SH3RF3: variants seen among roughly 807,000 people sequenced by gnomAD.
SH3RF3 encodes SH3 domain containing ring finger 3.
A neutral mutation model predicts 66.3 loss-of-function variants in SH3RF3; 29 were observed. That is an observed-to-expected ratio of 0.44 (90% CI 0.33 to 0.60). SH3RF3 has a LOEUF of 0.60. SH3RF3 is among the 20% of genes least tolerant of loss of function. SH3RF3 has a pLI of 0.04. For missense variants in SH3RF3, 1,194 were observed against 1,190.9 expected (o/e 1.00, Z -0.04); for synonymous variants, 583 against 532.0 (o/e 1.10, Z -1.32).
intron 2 of SH3RF3, among the ~76,000 whole-genome samples, chr2:109,362,297 T>C (rs540906851): frequency 6.6e-6 from 1 of 152,346 alleles, no homozygotes; most frequent in African/African-American, 2.4e-5. Context: ...TTTTTTAAAT[T>C]TCTCTTGAGA....
In SH3RF3 at chr2:109,371,977, C is replaced by A. The variant is rs577485807; in HGVS notation, c.945+296C>A. ...CACCTTCCCCGTTTTCTCAAGGGAC[C>A]CCTGCGCCTGGCACCCATGCTTCTC... On this transcript the variant is annotated intron_variant, in intron 3 of 9. Transcript: ENST00000309415. Among the ~76,000 whole-genome samples the A allele has an allele frequency of 9.1e-4, 139 of 152,314 alleles. 1 individual carries two copies. The highest frequency in any genetic ancestry group is 3.2e-3 in the African/African-American group (131 of 41,586).
chr2:109,392,938 C>T (rs533421283), intron 3 of SH3RF3, among the ~76,000 whole-genome samples: 6 of 152,122 alleles, frequency 3.9e-5, no homozygotes, highest in South Asian at 2.1e-4. Flanking sequence ...ATGAGGAGGG[C>T]GAAGGAACCA....
In SH3RF3 at chr2:109,449,175, C is replaced by T. The variant is rs1559089266; in HGVS notation, c.1834C>T (p.His612Tyr). ...CTCTCCAACCCCGTCTCCAGCTGCC[C>T]ACTCTGCAGCCCAGGCTCAGGACCG... The part of the protein sequence containing the change: ...QARSTISTAA[H>Y]SAAQAQDRPT... Residue 612 changes from histidine to tyrosine, a missense_variant, in exon 8 of 10, where the codon CAC (histidine) becomes TAC (tyrosine). Coordinates refer to ENST00000309415, the MANE Select transcript of SH3RF3 (RefSeq NM_001099289.3). The T allele has an allele frequency of 6.2e-7, 1 of 1,613,358 alleles. No individual in the cohort carries two copies. The highest frequency in any genetic ancestry group is 8.5e-7 in the Non-Finnish European group (1 of 1,179,712).
intron 1 of SH3RF3, among the ~76,000 whole-genome samples, chr2:109,256,865 G>C (rs1680233921): frequency 6.6e-6 from 1 of 152,170 alleles, no homozygotes; most frequent in Non-Finnish European, 1.5e-5. Context: ...TTGTCCCGGA[G>C]ACTAACCATC....
intron 8 of SH3RF3, among the ~76,000 whole-genome samples, chr2:109,478,163 G>A (rs931876603): frequency 9.9e-5 from 15 of 152,192 alleles, no homozygotes; most frequent in African/African-American, 3.1e-4. Context: ...TGGGGCAGGC[G>A]ATTCTAGTGC....
chr2:109,403,083 C>T lies in SH3RF3; in HGVS notation c.1299+4140C>T, dbSNP rs565808256. On this transcript the variant is annotated intron_variant, in intron 4 of 9. Coordinates refer to ENST00000309415, the MANE Select transcript of SH3RF3 (RefSeq NM_001099289.3). ...CTGTAATGGACTGGTTTTGCTCTTT[C>T]TTTGGTGTTGTCTTAAAATAGAAAG... Among the ~76,000 whole-genome samples, 4 of 152,288 alleles carry T rather than the reference C, an allele frequency of 2.6e-5. No individual in the cohort carries two copies. The South Asian group carries it at 8.3e-4, about 32-fold the overall frequency.
At chr2:109,429,354 C>T (rs1677125969) in intron 5 of SH3RF3, among the ~76,000 whole-genome samples, 1 of 152,132 alleles carries the variant, frequency 6.6e-6, no homozygotes, top group African/African-American at 2.4e-5. Context: ...CAAAGTGAAG[C>T]TAGGCTTATT....
At chr2:109,162,508 C>CA (rs1677513002) in intron 1 of SH3RF3, among the ~76,000 whole-genome samples, 1 of 152,196 alleles carries the variant, frequency 6.6e-6, no homozygotes, top group Non-Finnish European at 1.5e-5. Context: ...TGGTGTGCTG[C>CA]ACCCATTAAC....
intron 1 of SH3RF3, among the ~76,000 whole-genome samples, chr2:109,250,549 T>C (rs545233002): frequency 1.3e-5 from 2 of 152,110 alleles, no homozygotes; most frequent in East Asian, 1.9e-4. Context: ...TGACCGTTTT[T>C]CTTTTTCAAA....
At chr2:109,413,817 C>A (rs1189410479) in intron 4 of SH3RF3, among the ~76,000 whole-genome samples, 2 of 152,184 alleles carry the variant, frequency 1.3e-5, no homozygotes, top group Non-Finnish European at 2.9e-5. Context: ...GGTCCACTGG[C>A]CCAAGCCAGG....
At chr2:109,277,235 G>C (rs536442183) in intron 1 of SH3RF3, among the ~76,000 whole-genome samples, 1 of 152,166 alleles carries the variant, frequency 6.6e-6, no homozygotes, top group Admixed American at 6.5e-5. Flanking sequence ...TTTCGGATGT[G>C]TCACACTTGG....
intron 7 of SH3RF3, among the ~76,000 whole-genome samples, chr2:109,448,172 G>A (rs1334355760): frequency 2.0e-5 from 3 of 152,258 alleles, no homozygotes; most frequent in Admixed American, 6.5e-5. Context: ...CTTGCATGCA[G>A]TGGTGCTTAA....
chr2:109,150,907 T>A (rs1335665389), intron 1 of SH3RF3, among the ~76,000 whole-genome samples: 1 of 152,210 alleles, frequency 6.6e-6, no homozygotes, highest in African/African-American at 2.4e-5. Flanking sequence ...GCTTTATGGC[T>A]GAACATAAAG....
intron 1 of SH3RF3, among the ~76,000 whole-genome samples, chr2:109,285,446 G>GC (rs2105352468): frequency 6.6e-6 from 1 of 152,352 alleles, no homozygotes; most frequent in Non-Finnish European, 1.5e-5. Context: ...CAGTGTGCCT[G>GC]CTGTGCCGTG....
chr2:109,368,744 G>A (rs949514729), intron 2 of SH3RF3, among the ~76,000 whole-genome samples: 5 of 149,560 alleles, frequency 3.3e-5, no homozygotes, highest in Admixed American at 6.7e-5. Flanking sequence ...AAGAAAGAAC[G>A]AAAGAAACAA....
At chr2:109,240,483 A>G (rs1376068227) in intron 1 of SH3RF3, among the ~76,000 whole-genome samples, 1 of 152,212 alleles carries the variant, frequency 6.6e-6, no homozygotes, top group African/African-American at 2.4e-5. Flanking sequence ...CAAAAAAACA[A>G]ACAAACAAAA....
chr2:109,138,047 G>T (rs1676853721), intron 1 of SH3RF3, among the ~76,000 whole-genome samples: 1 of 152,088 alleles, frequency 6.6e-6, no homozygotes, highest in African/African-American at 2.4e-5. Context: ...AGACAGTCTT[G>T]CTCTGTTACC....
At chr2:109,319,927 C>T (rs1416073208) in intron 1 of SH3RF3, among the ~76,000 whole-genome samples, 2 of 152,222 alleles carry the variant, frequency 1.3e-5, no homozygotes, top group Admixed American at 1.3e-4. Context: ...TCCCTCCTTG[C>T]AGGGGCAAGG....
intron 6 of SH3RF3, among the ~76,000 whole-genome samples, chr2:109,435,074 G>T (rs1677362741): frequency 6.6e-6 from 1 of 151,764 alleles, no homozygotes; most frequent in Admixed American, 6.6e-5. Context: ...GCAGAGCCAG[G>T]AATAAACATT....
Sources: gnomAD v4.1 joint callset for allele counts (sites outside exome capture counted in the v4.1 genomes callset) on GRCh38, gnomAD v4.1.1 for gene constraint, MANE v1.5 for transcripts, NCBI Gene and HGNC (gene_info 2026-07-23, HGNC 2026-07-21) for gene names.